Variants in ZNF57 observed in about 807,000 individuals in gnomAD.
The protein encoded by ZNF57 is zinc finger protein 57.
In ZNF57, 11 loss-of-function variants were observed where a neutral mutation model predicts 13.4. That is an observed-to-expected ratio of 0.82 (90% CI 0.52 to 1.36). The LOEUF (loss-of-function observed/expected upper bound fraction) is 1.36. Ranked by LOEUF, ZNF57 falls within the 40% of genes most tolerant of loss-of-function variation. ZNF57 has a pLI of 0.00. For missense variants in ZNF57, 696 were observed against 667.5 expected (o/e 1.04, Z -0.47); for synonymous variants, 224 against 238.5 (o/e 0.94, Z 0.56).
At chr19:2,903,790 C>T (rs1487486338) in intron 1 of ZNF57, among the ~76,000 whole-genome samples, 25 of 151,608 alleles carry the variant, frequency 1.6e-4, no homozygotes, top group Admixed American at 1.6e-3. Flanking sequence ...TCTCGGCTCA[C>T]TGCAGGCTCC....
chr19:2,906,118 A>G (rs1309687065), intron 1 of ZNF57, among the ~76,000 whole-genome samples: 1 of 152,130 alleles, frequency 6.6e-6, no homozygotes. Context: ...CAGTGATGCA[A>G]TCATGGCTCA....
intron 3 of ZNF57, chr19:2,916,539 C>T (rs1249268310): frequency 7.9e-6 from 2 of 254,750 alleles, no homozygotes; most frequent in African/African-American, 2.3e-5. Context: ...GGTGAAAACC[C>T]GCCTCTACTA....
At chr19:2,904,527 CTTTGTT>C (rs1481388631) in intron 1 of ZNF57, among the ~76,000 whole-genome samples, 3 of 151,760 alleles carry the variant, frequency 2.0e-5, no homozygotes, top group Non-Finnish European at 4.4e-5. Flanking sequence ...TTGTTTGTTT[CTTTGTT>C]TTTGTTTGTT....
At chr19:2,902,188 C>T (rs147008715) in intron 1 of ZNF57, among the ~76,000 whole-genome samples, 37 of 77,064 alleles carry the variant, frequency 4.8e-4, no homozygotes, top group African/African-American at 1.7e-3. Context: ...TGGCAAGGGA[C>T]GGCCTGGGGG....
rs1181306463 is a variant in ZNF57, at chr19:2,918,169, CT to C, written c.1549del (p.Ser517ProfsTer7). The C allele has an allele frequency of 6.2e-7, 1 of 1,614,202 alleles. No individual in the cohort carries two copies. Among genetic ancestry groups the C allele is most frequent in the Admixed American group, 1.7e-5 (1 of 60,024 alleles). On this transcript the variant is annotated frameshift_variant, in exon 4 of 4. Coordinates refer to ENST00000306908, the MANE Select transcript of ZNF57 (RefSeq NM_173480.3). LOFTEE classifies it low-confidence loss of function (END_TRUNC). The stretch of plus-strand genomic sequence containing the variant: ...AATGTGGGATGTCCTTCAAGTGGCA[CT>C]CCTCCTTCCGGAACCATCTGAGGAT... Reference protein sequence around the residue: ...KQCGMSFKWHSSFRNHLRMHT... With the variant: ...KQCGMSFKWHXSFRNHLRMHT...
intron 1 of ZNF57, among the ~76,000 whole-genome samples, chr19:2,905,663 G>A (rs1395212234): frequency 6.6e-6 from 1 of 151,248 alleles, no homozygotes; most frequent in East Asian, 2.0e-4. Flanking sequence ...TACTCGGGAG[G>A]CTGAGGCTGG....
At chr19:2,913,414 C>T (rs1159112404) in intron 1 of ZNF57, among the ~76,000 whole-genome samples, 4 of 151,974 alleles carry the variant, frequency 2.6e-5, no homozygotes, top group African/African-American at 4.8e-5. Context: ...AGGTGGACCA[C>T]GTTAGGTTGT....
At chr19:2,911,544 A>G (rs1485841169) in intron 1 of ZNF57, among the ~76,000 whole-genome samples, 1 of 152,072 alleles carries the variant, frequency 6.6e-6, no homozygotes, top group African/African-American at 2.4e-5. Context: ...AAAACAAAAA[A>G]AAACGACAAC....
intron 1 of ZNF57, among the ~76,000 whole-genome samples, chr19:2,914,860 A>G (rs2088174579): frequency 6.6e-6 from 1 of 152,164 alleles, no homozygotes; most frequent in Non-Finnish European, 1.5e-5. Context: ...TTGCTTAAAT[A>G]TGCCTTTGCT....
rs779260695 is a variant in ZNF57, at chr19:2,917,247, G to A, written c.626G>A (p.Arg209His). The change falls in exon 4 of 4, where the codon CGT becomes CAT. Residue 209 changes from arginine (R) to histidine (H), a missense_variant. Arg to His is a conservative substitution (Grantham distance 29). Coordinates refer to ENST00000306908, the MANE Select transcript of ZNF57 (RefSeq NM_173480.3). ...QACGQTFQHP[R>H]YLSHHVKTHT... ...TGTGGGCAAACTTTCCAACATCCTC[G>A]TTACCTCTCCCACCACGTAAAGACT... 1.6e-5 allele frequency: 26 copies of A among 1,614,012 alleles called. No homozygotes were observed. Among genetic ancestry groups the A allele is most frequent in the South Asian group, 2.2e-5 (2 of 91,088 alleles).
At position 2,901,169 on chromosome 19, in the gene ZNF57, T is replaced by C. The variant is rs2088026126; in HGVS notation, c.3+121T>C. 2.3e-5 allele frequency: 30 copies of C among 1,285,522 alleles called. 1 individual carries two copies. In the Middle Eastern group the frequency reaches 9.7e-4, roughly 42 times the overall value. 79.6% of individuals were successfully genotyped at this position (1,285,522 alleles called of 1,614,324 possible). On this transcript the variant is annotated intron_variant, in intron 1 of 3. Transcript: ENST00000306908. The stretch of plus-strand genomic sequence containing the variant: ...AGGGACGCGCGGGGCGGCGCAGGAC[T>C]AGCACCTGGGACCCGGGGACGCCAT...
rs1353134877 is a variant in ZNF57 at position 2,916,934 on chromosome 19, G to C, written c.313G>C (p.Val105Leu). The C allele has an allele frequency of 2.5e-6, 4 of 1,575,796 alleles. No individual in the cohort carries two copies. Among genetic ancestry groups the C allele is most frequent in the Non-Finnish European group, 3.4e-6 (4 of 1,161,114 alleles). ...DHHKNLRNHMVDRFCTHNEGN... is the reference protein window; with the variant it reads ...DHHKNLRNHMLDRFCTHNEGN... ...TCTCATTTTTAACAGAAATCATATG[G>C]TGGACAGATTCTGTACACATAATGA... The change falls in exon 4 of 4, where the codon GTG (valine) becomes CTG (leucine). Residue 105 changes from valine to leucine, a missense_variant. Physicochemically the swap from Val to Leu is conservative, Grantham distance 32 (BLOSUM62 1). Around this residue, in one of 3 missense-constraint regions of ZNF57, gnomAD observed 645 missense variants for 591.5 expected, o/e 1.09. Coordinates refer to ENST00000306908, the MANE Select transcript of ZNF57 (RefSeq NM_173480.3).
intron 1 of ZNF57, among the ~76,000 whole-genome samples, chr19:2,913,799 C>G (rs1009583260): frequency 6.6e-5 from 10 of 152,138 alleles, no homozygotes; most frequent in African/African-American, 2.4e-4. Flanking sequence ...TGCCACCATA[C>G]CCAGCAAATT....
intron 1 of ZNF57, among the ~76,000 whole-genome samples, chr19:2,911,126 A>G (rs930796315): frequency 6.6e-6 from 1 of 152,010 alleles, no homozygotes; most frequent in Non-Finnish European, 1.5e-5. Context: ...GCAGTGGTAC[A>G]ATCATGGCTC....
intron 1 of ZNF57, 105 bp downstream of exon 1, chr19:2,901,153 C>A (rs965845735): frequency 4.3e-6 from 6 of 1,383,088 alleles, no homozygotes; most frequent in Non-Finnish European, 5.8e-6. Context: ...GAGGGACGCG[C>A]GGGGCGGCGC....
rs781248794 is a variant in ZNF57 at position 2,916,174 on chromosome 19, G to GA, written c.230dup (p.Asn77LysfsTer2). On this transcript the variant is annotated frameshift_variant, in exon 3 of 4. Coordinates refer to ENST00000306908, the MANE Select transcript of ZNF57 (RefSeq NM_173480.3). LOFTEE classifies it high-confidence loss of function. ...GAACAGACAATACCAAACTTCACAG[G>GA]AAATAATTCCTGTGCCTACACTTTA... 1 of 1,613,886 alleles carries GA rather than the reference G, an allele frequency of 6.2e-7. No homozygotes were observed.
chr19:2,917,284 G>GA lies in ZNF57; in HGVS notation c.667dup (p.Thr223AsnfsTer12), dbSNP rs1467901304. The GA allele has an allele frequency of 6.2e-7, 1 of 1,614,068 alleles. No individual in the cohort carries two copies. The highest frequency in any genetic ancestry group is 1.3e-5 in the African/African-American group (1 of 75,054). ...ACCACGTAAAGACTCACACAGCAGA[G>GA]AAAACCTACAAATGCGAGCAGTGTC... On this transcript the variant is annotated frameshift_variant, in exon 4 of 4. Coordinates refer to ENST00000306908, the MANE Select transcript of ZNF57 (RefSeq NM_173480.3). LOFTEE classifies it low-confidence loss of function (END_TRUNC).
At chr19:2,904,368 G>A (rs2088055575) in intron 1 of ZNF57, among the ~76,000 whole-genome samples, 1 of 152,034 alleles carries the variant, frequency 6.6e-6, no homozygotes, top group South Asian at 2.1e-4. Context: ...TAGAGACAAG[G>A]TCTTGTTCTA....
Position 2,917,266 on chromosome 19 carries a change from A to G in ZNF57, c.645A>G (p.Val215=). The G allele has an allele frequency of 6.2e-7, 1 of 1,614,198 alleles. No individual in the cohort carries two copies. The highest frequency in any genetic ancestry group is 1.3e-5 in the African/African-American group (1 of 75,056). ...ATCCTCGTTACCTCTCCCACCACGT[A>G]AAGACTCACACAGCAGAGAAAACCT... is the stretch of plus-strand genomic sequence containing the variant. ...FQHPRYLSHH[V]KTHTAEKTYK... The change falls in exon 4 of 4, where the codon GTA becomes GTG. Residue 215 remains valine, a synonymous_variant. Coordinates refer to ENST00000306908, the MANE Select transcript of ZNF57 (RefSeq NM_173480.3).
Sources: allele counts gnomAD v4.1 joint callset (sites outside exome capture counted in the v4.1 genomes callset), GRCh38; gene constraint gnomAD v4.1.1; regional missense constraint gnomAD v4.1.1; transcripts MANE v1.5; gene names NCBI Gene and HGNC (gene_info 2026-07-23, HGNC 2026-07-21).